BAIAP2L1: variants seen among roughly 807,000 people sequenced by gnomAD.
The protein encoded by BAIAP2L1 is BAR/IMD domain-containing adapter protein 2-like 1.
A neutral mutation model predicts 66.3 loss-of-function variants in BAIAP2L1; 35 were observed. The ratio of observed to expected loss-of-function variants is 0.53; its 90% CI spans 0.40 to 0.70. The LOEUF (loss-of-function observed/expected upper bound fraction) is 0.70, where lower values mean the gene tolerates loss of function less well. Among genes scored for constraint, BAIAP2L1 ranks in the 30% least tolerant of loss-of-function variants. The pLI, the probability that BAIAP2L1 is intolerant of heterozygous loss-of-function variation, is 0.00. For synonymous variants in BAIAP2L1, 269 were observed against 248.7 expected, an observed-to-expected ratio of 1.08 and a Z score of -0.77; for missense variants, 622 against 656.9, an observed-to-expected ratio of 0.95 and a Z score of 0.58.
chr7:98,362,015 T>G (rs1802278334), intron 2 of BAIAP2L1, among the ~76,000 whole-genome samples: 1 of 152,190 alleles, frequency 6.6e-6, no homozygotes, highest in Admixed American at 6.5e-5. Context: ...TTTATATACA[T>G]AAAAGGAGAA....
At chr7:98,389,654 G>A (rs910799237) in intron 1 of BAIAP2L1, among the ~76,000 whole-genome samples, 24 of 151,936 alleles carry the variant, frequency 1.6e-4, no homozygotes, top group African/African-American at 5.1e-4. Flanking sequence ...CTTTTGACAG[G>A]TTATTACCAC....
chr7:98,369,971 C>A (rs1584491517), intron 1 of BAIAP2L1, among the ~76,000 whole-genome samples: 1 of 152,086 alleles, frequency 6.6e-6, no homozygotes, highest in African/African-American at 2.4e-5. Flanking sequence ...CATACCCAAC[C>A]AATTTCCTGA....
rs1801102187 is a variant in BAIAP2L1, at chr7:98,317,238, T to C, written c.467A>G (p.Tyr156Cys). 4 of 1,614,154 alleles carry C rather than the reference T, an allele frequency of 2.5e-6. No homozygotes were observed. Among genetic ancestry groups the C allele is most frequent in the African/African-American group, 1.3e-5 (1 of 74,958 alleles). ...GCTCACCTCAATTTCTTTGTGTTCA[T>C]ATTTGAGTGCGTTTCGGCTTCCTTG... ...KSQGSRNALK[Y>C]EHKEIEYVET... The change falls in exon 6 of 14, where the codon TAT (tyrosine) becomes TGT (cysteine). Residue 156 changes from tyrosine (Y) to cysteine (C), a missense_variant. Coordinates refer to ENST00000005260, the MANE Select transcript of BAIAP2L1 (RefSeq NM_018842.5).
intron 1 of BAIAP2L1, among the ~76,000 whole-genome samples, chr7:98,370,615 C>T (rs1419198133): frequency 6.6e-6 from 1 of 151,912 alleles, no homozygotes; most frequent in Non-Finnish European, 1.5e-5. Context: ...CATTCTCCTG[C>T]CTCAGCCCCC....
chr7:98,310,803 C>CAG (rs780620317), intron 8 of BAIAP2L1, among the ~76,000 whole-genome samples: 2 of 152,110 alleles, frequency 1.3e-5, no homozygotes, highest in South Asian at 4.1e-4. Flanking sequence ...TCTTGTGCCT[C>CAG]AGCCTCTTGA....
chr7:98,293,315 A>G lies in BAIAP2L1; in HGVS notation c.*206T>C. The G allele has an allele frequency of 2.0e-6, 1 of 510,488 alleles. No homozygotes were observed. Among genetic ancestry groups the G allele is most frequent in the Admixed American group, 3.6e-5 (1 of 27,898 alleles). The allele number at this position is 510,488 out of a possible 1,614,324, so 31.6% of individuals were successfully genotyped here. ...AATATTTTAAATGGCTGAGCTGGTC[A>G]TTAGACTATTACTCATTTATCTTAA... On this transcript the variant is annotated 3_prime_UTR_variant, in exon 14 of 14. Coordinates refer to ENST00000005260, the MANE Select transcript of BAIAP2L1 (RefSeq NM_018842.5).
intron 3 of BAIAP2L1, among the ~76,000 whole-genome samples, chr7:98,338,421 T>TAAA (rs35420774): frequency 7.6e-6 from 1 of 131,450 alleles, no homozygotes; most frequent in South Asian, 2.4e-4. Context: ...GACTCCGTCT[T>TAAA]AAAAAAAAAA....
chr7:98,388,386 G>A (rs1158672684), intron 1 of BAIAP2L1, among the ~76,000 whole-genome samples: 3 of 152,186 alleles, frequency 2.0e-5, no homozygotes, highest in East Asian at 1.9e-4. Context: ...CCGGCTACTC[G>A]GGAGGCCAAG....
chr7:98,388,384 T>C lies in BAIAP2L1; in HGVS notation c.51+12418A>G, dbSNP rs184082511. On this transcript the variant is annotated intron_variant, in intron 1 of 13. Transcript: ENST00000005260. ...AGCAGATGCCTGTAATCCCGGCTAC[T>C]CGGGAGGCCAAGGCAGGAGAATCGC... 1.3e-5 allele frequency among the ~76,000 whole-genome samples: 2 copies of C among 152,302 alleles called. 1 individual carries two copies. The highest frequency in any genetic ancestry group is 1.3e-4 in the Admixed American group (2 of 15,306).
intron 7 of BAIAP2L1, among the ~76,000 whole-genome samples, chr7:98,314,167 G>C (rs1562970073): frequency 6.6e-6 from 1 of 151,608 alleles, no homozygotes; most frequent in Non-Finnish European, 1.5e-5. Context: ...ATTTTTAGTA[G>C]AGACAGGGTT....
At chr7:98,364,018 CTTTTT>C (rs34058753) in intron 1 of BAIAP2L1, among the ~76,000 whole-genome samples, 1 of 149,450 alleles carries the variant, frequency 6.7e-6, no homozygotes, top group Non-Finnish European at 1.5e-5. Flanking sequence ...TTTGAATATT[CTTTTT>C]TTTTTTAAAT....
chr7:98,379,081 G>T (rs1435918895), intron 1 of BAIAP2L1, among the ~76,000 whole-genome samples: 2 of 152,078 alleles, frequency 1.3e-5, no homozygotes, highest in Non-Finnish European at 2.9e-5. Context: ...TGACCTCGTG[G>T]TTGGCCAGGC....
intron 12 of BAIAP2L1, among the ~76,000 whole-genome samples, chr7:98,298,662 C>A (rs931088376): frequency 6.6e-6 from 1 of 152,066 alleles, no homozygotes; most frequent in African/African-American, 2.4e-5. Context: ...CTCATGGATC[C>A]CAGTGTTTGG....
intron 9 of BAIAP2L1, chr7:98,308,684 G>C (rs115435700): frequency 4.9e-6 from 1 of 204,570 alleles, no homozygotes; most frequent in Non-Finnish European, 1.0e-5. Flanking sequence ...ATATATGTAT[G>C]TATATACATT....
chr7:98,300,000 C>T (rs909300207), intron 12 of BAIAP2L1, among the ~76,000 whole-genome samples: 1 of 152,154 alleles, frequency 6.6e-6, no homozygotes, highest in African/African-American at 2.4e-5. Flanking sequence ...AAGATCATGC[C>T]ACTGCACTCC....
At chr7:98,370,195 C>A (rs1055527054) in intron 1 of BAIAP2L1, among the ~76,000 whole-genome samples, 2 of 151,510 alleles carry the variant, frequency 1.3e-5, no homozygotes, top group East Asian at 3.9e-4. Flanking sequence ...GCTAATGTGG[C>A]GAAACCCCAT....
chr7:98,330,529 C>A (rs1481233751), intron 3 of BAIAP2L1, among the ~76,000 whole-genome samples: 1 of 152,020 alleles, frequency 6.6e-6, no homozygotes, highest in Non-Finnish European at 1.5e-5. Context: ...TGGTGGCGCA[C>A]GCCTGTAATC....
chr7:98,367,533 G>GTTT (rs1802411922), intron 1 of BAIAP2L1, among the ~76,000 whole-genome samples: 3 of 75,694 alleles, frequency 4.0e-5, no homozygotes, highest in Non-Finnish European at 6.3e-5. Flanking sequence ...ACCACACCTG[G>GTTT]CTTTTTTTTT....
Position 98,306,452 on chromosome 7 carries a change from C to T in BAIAP2L1, c.1228G>A (p.Val410Met), listed in dbSNP as rs777922061. Reference sequence around the variant, plus strand: ...GTTCAGGGCTACCTTGGCGTGGGCACGGTCACTGCTTCTGTCTCATTTTCT... The same window carrying T: ...GTTCAGGGCTACCTTGGCGTGGGCATGGTCACTGCTTCTGTCTCATTTTCT... ...LEENETEAVT[V>M]PTPSPTPVRS... Residue 410 changes from valine to methionine, a missense_variant, in exon 11 of 14, where the codon GTG becomes ATG. By Grantham distance (21) the Val-to-Met change is conservative. Coordinates refer to ENST00000005260, the MANE Select transcript of BAIAP2L1 (RefSeq NM_018842.5). 2.1e-5 allele frequency: 34 copies of T among 1,614,054 alleles called. No individual in the cohort carries two copies. The highest frequency in any genetic ancestry group is 4.4e-5 in the South Asian group (4 of 91,084).
Sources: allele counts gnomAD v4.1 joint callset (sites outside exome capture counted in the v4.1 genomes callset), GRCh38; gene constraint gnomAD v4.1.1; transcripts MANE v1.5; gene names NCBI Gene and HGNC (gene_info 2026-07-23, HGNC 2026-07-21).